The following CYREN variants were observed in gnomAD, a reference collection of about 807,000 sequenced individuals.
The protein encoded by CYREN is cell cycle regulator of non-homologous end joining.
A neutral mutation model predicts 9.7 loss-of-function variants in CYREN; 7 were observed. That is an observed-to-expected ratio of 0.72 (90% CI 0.41 to 1.36). The LOEUF is 1.36. Ranked by LOEUF, CYREN falls within the 40% of genes most tolerant of loss-of-function variation. The pLI is 0.01. For missense variants in CYREN, 215 were observed against 198.1 expected, an observed-to-expected ratio of 1.09 and a Z score of -0.51; for synonymous variants, 76 against 77.9, an observed-to-expected ratio of 0.98 and a Z score of 0.13.
intron 2 of CYREN, among the ~76,000 whole-genome samples, chr7:135,123,428 C>T (rs190657243): frequency 6.6e-6 from 1 of 152,096 alleles, no homozygotes; most frequent in Non-Finnish European, 1.5e-5. Flanking sequence ...ATCAGAGTAC[C>T]TGAGGGAGAC....
At chr7:135,107,072 T>A (rs1824835563) in intron 2 of CYREN, among the ~76,000 whole-genome samples, 1 of 152,218 alleles carries the variant, frequency 6.6e-6, no homozygotes, top group Non-Finnish European at 1.5e-5. Flanking sequence ...TTGTCATTCC[T>A]TATTGTGATT....
chr7:135,159,790 A>G (rs750137769), intron 2 of CYREN, among the ~76,000 whole-genome samples: 1 of 152,266 alleles, frequency 6.6e-6, no homozygotes, highest in Non-Finnish European at 1.5e-5. Context: ...GATGGTCAAC[A>G]AACACTTGAA....
At chr7:135,133,778 C>A (rs1474921742) in intron 2 of CYREN, among the ~76,000 whole-genome samples, 1 of 151,954 alleles carries the variant, frequency 6.6e-6, no homozygotes, top group African/African-American at 2.4e-5. Flanking sequence ...ACAAAAAAAC[C>A]TGTGTGTATA....
rs550253926 is a variant in CYREN, at chr7:135,112,107, A to G, written n.357-17525T>C. Among the ~76,000 whole-genome samples, 4 of 152,288 alleles carry G rather than the reference A, an allele frequency of 2.6e-5. No homozygotes were observed. In the South Asian group the frequency reaches 8.3e-4, roughly 32 times the overall value. On this transcript the variant is annotated intron_variant and non_coding_transcript_variant, in intron 2 of 2. Transcript: ENST00000459937. ...TCTTTAATAACATGAAGCTCTATCC[A>G]TTCTACCTCTAAAGATTCTCTTGAA...
chr7:135,171,308 TG>T (rs1261618439), upstream of CYREN, among the ~76,000 whole-genome samples: 6 of 42,858 alleles, frequency 1.4e-4, no homozygotes, highest in African/African-American at 1.8e-4. Context: ...ACTCAGTACC[TG>T]TTTTTTTTTT....
At chr7:135,154,905 C>A (rs2117438673) in intron 2 of CYREN, among the ~76,000 whole-genome samples, 1 of 152,242 alleles carries the variant, frequency 6.6e-6, no homozygotes, top group South Asian at 2.1e-4. Flanking sequence ...AATTTTCTGT[C>A]CCAATGATCT....
chr7:135,129,235 G>T (rs1828384174), intron 2 of CYREN: 1 of 1,481,110 alleles, frequency 6.8e-7, no homozygotes, highest in African/African-American at 1.4e-5. Context: ...CAGGAGCCTG[G>T]CTACATCATG....
intron 2 of CYREN, among the ~76,000 whole-genome samples, chr7:135,150,176 T>C (rs1014806285): frequency 2.6e-5 from 4 of 152,148 alleles, no homozygotes; most frequent in African/African-American, 7.2e-5. Flanking sequence ...CCTAAAATAG[T>C]TTTGTTTCTC....
chr7:135,094,287 T>A (rs1334648128), exon 3 of CYREN: 15 of 430,506 alleles, frequency 3.5e-5, no homozygotes, highest in Middle Eastern at 3.4e-4. Flanking sequence ...ACTTATTGGA[T>A]CCATCAGAGA....
chr7:135,129,306 G>A (rs1828395936), intron 2 of CYREN: 2 of 1,436,000 alleles, frequency 1.4e-6, no homozygotes, highest in Non-Finnish European at 2.0e-6. Flanking sequence ...CTACCATGGG[G>A]TCTCTCCATG....
At chr7:135,125,976 A>G (rs1327774817) in intron 2 of CYREN, among the ~76,000 whole-genome samples, 1 of 152,184 alleles carries the variant, frequency 6.6e-6, no homozygotes, top group Non-Finnish European at 1.5e-5. Flanking sequence ...CCCTTTGAAA[A>G]CCAGTACAAG....
At chr7:135,095,813 G>A (rs1436981093) in intron 2 of CYREN, among the ~76,000 whole-genome samples, 2 of 152,110 alleles carry the variant, frequency 1.3e-5, no homozygotes, top group African/African-American at 4.8e-5. Context: ...AGTGGACGGG[G>A]GTACTGAAGT....
chr7:135,106,680 T>C (rs1824771405), intron 2 of CYREN, among the ~76,000 whole-genome samples: 1 of 152,194 alleles, frequency 6.6e-6, no homozygotes, highest in Admixed American at 6.5e-5. Context: ...TTTTCTTTTA[T>C]TGTTGTGGCT....
At chr7:135,141,261 A>G (rs1829447722) in intron 2 of CYREN, among the ~76,000 whole-genome samples, 1 of 151,924 alleles carries the variant, frequency 6.6e-6, no homozygotes, top group Non-Finnish European at 1.5e-5. Context: ...CAGGATTTCA[A>G]TTTCTTCCTG....
chr7:135,101,759 C>T (rs1180703428), intron 2 of CYREN, among the ~76,000 whole-genome samples: 1 of 152,070 alleles, frequency 6.6e-6, no homozygotes, highest in Non-Finnish European at 1.5e-5. Context: ...AAAGATTGGC[C>T]CAGCCTTGAT....
At chr7:135,126,185 T>C (rs1355191679) in intron 2 of CYREN, among the ~76,000 whole-genome samples, 1 of 152,184 alleles carries the variant, frequency 6.6e-6, no homozygotes, top group East Asian at 1.9e-4. Flanking sequence ...GATAAGCAAC[T>C]TCAGCAAAGT....
downstream of CYREN, among the ~76,000 whole-genome samples, chr7:135,161,089 C>T (rs888288882): frequency 6.6e-6 from 1 of 152,176 alleles, no homozygotes; most frequent in African/African-American, 2.4e-5. The surrounding 1 kb of genome is among the most constrained non-coding windows in gnomAD (Gnocchi z 4.1). Flanking sequence ...TGATGGCGAG[C>T]CTCATAAGAG....
At position 135,128,939 on chromosome 7, in the gene CYREN, C is replaced by T; in HGVS notation, n.357-34357G>A. Reference sequence around the variant, plus strand: ...ATTTGTTCCTGTGCAATATCTGTTTCTGTAAGAAGCTGGGTAGTGAATGCA... The same window carrying T: ...ATTTGTTCCTGTGCAATATCTGTTTTTGTAAGAAGCTGGGTAGTGAATGCA... On this transcript the variant is annotated intron_variant and non_coding_transcript_variant, in intron 2 of 2. Transcript: ENST00000459937. 7 of 1,563,146 alleles carry T rather than the reference C, an allele frequency of 4.5e-6. No individual in the cohort carries two copies. In the South Asian group the frequency reaches 7.8e-5, roughly 17 times the overall value.
At chr7:135,152,009 T>A (rs1220795949) in intron 2 of CYREN, among the ~76,000 whole-genome samples, 1 of 152,254 alleles carries the variant, frequency 6.6e-6, no homozygotes, top group Non-Finnish European at 1.5e-5. Context: ...AGCCTGGGCT[T>A]AACTTCTCTG....
Sources: gnomAD v4.1 joint callset for allele counts (sites outside exome capture counted in the v4.1 genomes callset) on GRCh38, gnomAD v4.1.1 for gene constraint, Gnocchi (gnomAD v3.1) non-coding constraint, MANE v1.5 for transcripts, NCBI Gene and HGNC (gene_info 2026-07-23, HGNC 2026-07-21) for gene names.